Variants in APOBEC3F observed in about 807,000 individuals in gnomAD.
APOBEC3F encodes DNA dC->dU-editing enzyme APOBEC-3F.
A neutral mutation model predicts 45.8 loss-of-function variants in APOBEC3F; 34 were observed. The observed-to-expected ratio is 0.74, with a 90% CI of 0.57 to 0.99. APOBEC3F has a LOEUF of 0.99. APOBEC3F is among the 50% of genes least tolerant of loss of function. APOBEC3F has a pLI of 0.00. For synonymous variants in APOBEC3F, 192 were observed against 174.4 expected, an observed-to-expected ratio of 1.10 and a Z score of -0.80; for missense variants, 459 against 474.1, an observed-to-expected ratio of 0.97 and a Z score of 0.30.
chr22:39,046,165 C>T (rs1927209592), intron 4 of APOBEC3F, among the ~76,000 whole-genome samples: 1 of 152,146 alleles, frequency 6.6e-6, no homozygotes, highest in South Asian at 2.1e-4. Context: ...ACCTGCACCC[C>T]TGGGGTCTCT....
At chr22:39,052,460 G>A (rs35860424) in intron 6 of APOBEC3F, 107 bp downstream of exon 6, 89,559 of 1,573,498 alleles carry the variant, frequency 0.057, 3,028 homozygotes, top group Non-Finnish European at 0.067. Context: ...AGCCTGCAGG[G>A]ATGGCGCCAG....
rs749036662 is a variant in APOBEC3F, at chr22:39,040,990, G to T, written c.17+13G>T. The T allele has an allele frequency of 6.3e-7, 1 of 1,582,984 alleles. No homozygotes were observed. Among genetic ancestry groups the T allele is most frequent in the Non-Finnish European group, 8.6e-7 (1 of 1,164,258 alleles). ...AGCCTCACTTCAGGTACCGCTGCCC[G>T]CTCTACCCGCTGGGCCCCTCTGCTG... On this transcript the variant is annotated intron_variant, in intron 1 of 6. Transcript: ENST00000308521.
chr22:39,043,048 T>A lies in APOBEC3F; in HGVS notation c.129T>A (p.Gly43=), dbSNP rs745585135. The A allele has an allele frequency of 6.2e-7, 1 of 1,614,094 alleles. No individual in the cohort carries two copies. The highest frequency in any genetic ancestry group is 8.5e-7 in the Non-Finnish European group (1 of 1,180,024). Residue 43 remains glycine, a synonymous_variant, in exon 2 of 7, where the codon GGT becomes GGA. Transcript: ENST00000308521. ...TGTGCTACGAAGTGAAAACAAAGGG[T>A]CCCTCAAGGCCCCGTTTGGACGCAA... is the stretch of plus-strand genomic sequence containing the variant. The part of the protein sequence containing the change: ...VWLCYEVKTK[G]PSRPRLDAKI...
rs1927673403 is a variant in APOBEC3F, at chr22:39,055,914, A to C, written c.*3219A>C. Reference sequence around the variant, plus strand: ...CCAGGGACTTCTTCAGGGAGCTCCAATCTTCAGATGCAAGTCTGTCAACGC... The same window carrying C: ...CCAGGGACTTCTTCAGGGAGCTCCACTCTTCAGATGCAAGTCTGTCAACGC... On this transcript the variant is annotated 3_prime_UTR_variant, in exon 7 of 7. Transcript: ENST00000308521. Among the ~76,000 whole-genome samples the C allele has an allele frequency of 6.6e-6, 1 of 152,178 alleles. No homozygotes were observed. Among genetic ancestry groups the C allele is most frequent in the Non-Finnish European group, 1.5e-5 (1 of 68,030 alleles).
At position 39,052,609 on chromosome 22, in the gene APOBEC3F, A is replaced by G. The variant is rs756265272; in HGVS notation, c.1036A>G (p.Asn346Asp). Residue 346 changes from asparagine (N) to aspartate (D), a missense_variant, in exon 7 of 7, where the codon AAT becomes GAT. Transcript: ENST00000308521. ...ATATTGTTGGGAAAACTTTGTGTAC[A>G]ATGATGATGAGCCATTCAAGCCTTG... ...FKYCWENFVY[N>D]DDEPFKPWKG... 2 of 1,613,840 alleles carry G rather than the reference A, an allele frequency of 1.2e-6. No homozygotes were observed. The highest frequency in any genetic ancestry group is 1.7e-6 in the Non-Finnish European group (2 of 1,179,894).
chr22:39,046,634 T>C (rs890118598), intron 4 of APOBEC3F, among the ~76,000 whole-genome samples: 23 of 152,016 alleles, frequency 1.5e-4, no homozygotes, highest in African/African-American at 2.2e-4. Flanking sequence ...TTTTTTTTTT[T>C]TGAGACACTG....
rs147115817 is a variant in APOBEC3F, at chr22:39,052,421, A to G, written c.1003+68A>G. ...AGCATGAGGGGCAGGTGTGTCTGCA[A>G]TGCCGTGGGGCGGGGCAGTGTCCCG... On this transcript the variant is annotated intron_variant, in intron 6 of 6. Coordinates refer to ENST00000308521, the MANE Select transcript of APOBEC3F (RefSeq NM_145298.6). 452 of 1,594,202 alleles carry G rather than the reference A, an allele frequency of 2.8e-4. 1 individual carries two copies. In the East Asian group the frequency reaches 9.4e-3, roughly 33 times the overall value.
At position 39,045,124 on chromosome 22, in the gene APOBEC3F, G is replaced by A. The variant is rs539945403; in HGVS notation, c.355G>A (p.Ala119Thr). Residue 119 changes from alanine to threonine, a missense_variant, in exon 3 of 7, where the codon GCC (alanine) becomes ACC (threonine). Transcript: ENST00000308521. ...CCCCAATGTCACCCTGACCATCTCC[G>A]CCGCCCGCCTCTACTACTACTGGGA... ...EHPNVTLTISAARLYYYWERD... is the reference protein window; with the variant it reads ...EHPNVTLTISTARLYYYWERD... 12 of 1,613,998 alleles carry A rather than the reference G, an allele frequency of 7.4e-6. No homozygotes were observed. Among genetic ancestry groups the A allele is most frequent in the East Asian group, 4.5e-5 (2 of 44,874 alleles).
In APOBEC3F at chr22:39,045,198, C is replaced by T. The variant is rs4821862; in HGVS notation, c.429C>T (p.Arg143=). The T allele has an allele frequency of 0.53, 862,996 of 1,613,340 alleles. 234,157 individuals carry two copies. The highest frequency in any genetic ancestry group is 0.71 in the East Asian group (31,872 of 44,854). ...ALCRLSQAGA[R]VKIMDDEEFA... ...GCAGGCTGAGTCAGGCAGGGGCCCG[C>T]GTGAAGATTATGGACGATGAAGGTG... Residue 143 remains arginine (R), a synonymous_variant, in exon 3 of 7, where the codon CGC becomes CGT. Coordinates refer to ENST00000308521, the MANE Select transcript of APOBEC3F (RefSeq NM_145298.6).
chr22:39,042,646 G>A (rs1258551401), intron 1 of APOBEC3F, among the ~76,000 whole-genome samples: 1 of 152,126 alleles, frequency 6.6e-6, no homozygotes, highest in African/African-American at 2.4e-5. Flanking sequence ...TTACTAATGC[G>A]TTGGAGAATG....
At chr22:39,048,487 A>G (rs752658312) in intron 4 of APOBEC3F, among the ~76,000 whole-genome samples, 5 of 152,140 alleles carry the variant, frequency 3.3e-5, no homozygotes, top group Non-Finnish European at 7.4e-5. Flanking sequence ...AGCCTGGCCA[A>G]CATGGTGAAA....
At position 39,049,310 on chromosome 22, in the gene APOBEC3F, G is replaced by A. The variant is rs144119358; in HGVS notation, c.567-115G>A. On this transcript the variant is annotated intron_variant, in intron 4 of 6. Transcript: ENST00000308521. ...CCTCTTTCTCTCTCCCAGTCTTTCT[G>A]CCTGGGAAAGCAGCAGACATTCCCA... is the stretch of plus-strand genomic sequence containing the variant. 138 of 1,275,434 alleles carry A rather than the reference G, an allele frequency of 1.1e-4. 1 individual carries two copies. In the African/African-American group the frequency reaches 1.9e-3, roughly 17 times the overall value. The allele number at this position is 1,275,434 out of a possible 1,614,324, so 79.0% of individuals were successfully genotyped here. A position where few individuals can be genotyped will look rare whatever the true frequency, so the allele number is the denominator to read the frequency against.
intron 4 of APOBEC3F, among the ~76,000 whole-genome samples, chr22:39,047,849 A>C (rs986777616): frequency 6.6e-6 from 1 of 152,108 alleles, no homozygotes; most frequent in African/African-American, 2.4e-5. Flanking sequence ...AGAAAATTGA[A>C]CCAAAGGATG....
chr22:39,042,992 C>G lies in APOBEC3F; in HGVS notation c.73C>G (p.Pro25Ala). The change falls in exon 2 of 7, where the codon CCC becomes GCC. Residue 25 changes from proline to alanine, a missense_variant. Coordinates refer to ENST00000308521, the MANE Select transcript of APOBEC3F (RefSeq NM_145298.6). ...ATTCTCCTACAACTTTTATAATAGA[C>G]CCATCCTTTCTCGTCGGAATACCGT... ...DTFSYNFYNR[P>A]ILSRRNTVWL... 6.2e-7 allele frequency: 1 copy of G among 1,614,174 alleles called. No individual in the cohort carries two copies. Among genetic ancestry groups the G allele is most frequent in the Non-Finnish European group, 8.5e-7 (1 of 1,180,042 alleles).
intron 4 of APOBEC3F, among the ~76,000 whole-genome samples, chr22:39,048,016 C>A (rs1173754844): frequency 2.6e-5 from 4 of 152,194 alleles, no homozygotes; most frequent in African/African-American, 9.6e-5. Flanking sequence ...CCACTGTGAA[C>A]AGAGGAGGAT....
At position 39,053,933 on chromosome 22, in the gene APOBEC3F, T is replaced by C. The variant is rs1927611058; in HGVS notation, c.*1238T>C. 6.6e-6 allele frequency: 1 copy of C among 152,222 alleles called. No homozygotes were observed. The highest frequency in any genetic ancestry group is 2.4e-5 in the African/African-American group (1 of 41,438). 9.4% of individuals were successfully genotyped at this position (152,222 alleles called of 1,614,324 possible). ...GGACTCCTTGCTATAATCGCAGCTA[T>C]TCAGCAATGGAACCTCCCAGTTCCC... On this transcript the variant is annotated 3_prime_UTR_variant, in exon 7 of 7. Transcript: ENST00000308521.
chr22:39,048,775 C>A (rs1927340036), intron 4 of APOBEC3F, among the ~76,000 whole-genome samples: 2 of 152,046 alleles, frequency 1.3e-5, no homozygotes, highest in South Asian at 4.2e-4. Flanking sequence ...CCACTGCACT[C>A]CAGCCTGGCG....
chr22:39,047,528 G>T (rs1416418532), intron 4 of APOBEC3F, among the ~76,000 whole-genome samples: 1 of 152,182 alleles, frequency 6.6e-6, no homozygotes. Flanking sequence ...TGCCCGCTCT[G>T]CCCACGGGGC....
intron 5 of APOBEC3F, 108 bp downstream of exon 5, chr22:39,049,689 T>C: frequency 1.8e-6 from 2 of 1,107,838 alleles, no homozygotes. Context: ...TGTACTTTCC[T>C]CTTACATTTC....
Sources: allele counts gnomAD v4.1 joint callset (sites outside exome capture counted in the v4.1 genomes callset), GRCh38; gene constraint gnomAD v4.1.1; transcripts MANE v1.5; gene names NCBI Gene and HGNC (gene_info 2026-07-23, HGNC 2026-07-21).